Variants in RAB28 observed in about 807,000 individuals in gnomAD.
RAB28 encodes ras-related protein Rab-28.
Under a neutral mutation model 31.7 loss-of-function variants are expected in RAB28, and 24 were observed. That is an observed-to-expected ratio of 0.76 (90% CI 0.55 to 1.06). The LOEUF is 1.06. RAB28 is among the 50% of genes least tolerant of loss of function. RAB28 has a pLI of 0.00. For synonymous variants in RAB28, 100 were observed against 90.4 expected, an observed-to-expected ratio of 1.11 and a Z score of -0.60; for missense variants, 254 against 258.5, an observed-to-expected ratio of 0.98 and a Z score of 0.12.
chr4:13,436,710 C>G (rs1714132945), intron 4 of RAB28, among the ~76,000 whole-genome samples: 1 of 152,098 alleles, frequency 6.6e-6, no homozygotes. Context: ...ACAGATGACA[C>G]AAATAAATGG....
At chr4:13,418,943 A>G (rs952889644) in intron 4 of RAB28, among the ~76,000 whole-genome samples, 24 of 152,212 alleles carry the variant, frequency 1.6e-4, no homozygotes, top group African/African-American at 5.8e-4. Context: ...CCCCAATTAA[A>G]AGACACAGAC....
At chr4:13,403,757 CATGAATGAGTAAATAA>C (rs1338214482) in intron 4 of RAB28, among the ~76,000 whole-genome samples, 1 of 152,082 alleles carries the variant, frequency 6.6e-6, no homozygotes, top group African/African-American at 2.4e-5. Context: ...AAAAGGCAAT[CATGAATGAGTAAATAA>C]ATGAATGAAT....
At chr4:13,434,742 G>C (rs1713996500) in intron 4 of RAB28, among the ~76,000 whole-genome samples, 2 of 152,098 alleles carry the variant, frequency 1.3e-5, no homozygotes, top group African/African-American at 4.8e-5. Flanking sequence ...ACACAGGCCA[G>C]GTGCAGTGGC....
chr4:13,460,592 G>C, intron 4 of RAB28, 107 bp downstream of exon 4: 2 of 1,369,546 alleles, frequency 1.5e-6, no homozygotes, highest in Non-Finnish European at 2.0e-6. Context: ...CATCATTTTG[G>C]GGATTAGGTC....
Position 13,376,587 on chromosome 4 carries a change from G to A in RAB28, c.531C>T (p.Ile177=). The A allele has an allele frequency of 6.2e-7, 1 of 1,602,698 alleles. No homozygotes were observed. ...FLCFQKVAAE[I]LGIKLNKAEI... is the part of the protein sequence containing the mutation. ...CTGCTTTGTTTAATTTGATCCCAAG[G>A]ATTTCAGCAGCAACTTTCTGAAAGC... The change falls in exon 6 of 7, where the codon ATC becomes ATT. Residue 177 remains isoleucine (I), a synonymous_variant. Coordinates refer to ENST00000330852, the MANE Select transcript of RAB28 (RefSeq NM_001017979.3).
chr4:13,399,685 C>T (rs918924192), intron 4 of RAB28, among the ~76,000 whole-genome samples: 2 of 152,072 alleles, frequency 1.3e-5, no homozygotes, highest in African/African-American at 4.8e-5. Context: ...GATGAGACTC[C>T]ACTTATATTT....
intron 4 of RAB28, among the ~76,000 whole-genome samples, chr4:13,449,635 T>C (rs1022922222): frequency 6.6e-6 from 1 of 151,954 alleles, no homozygotes; most frequent in African/African-American, 2.4e-5. Context: ...TTAATTAGTG[T>C]TGATGCACTC....
chr4:13,375,479 C>T (rs1250463225), intron 6 of RAB28, among the ~76,000 whole-genome samples: 7 of 152,240 alleles, frequency 4.6e-5, no homozygotes, highest in Admixed American at 2.0e-4. Context: ...AAACAAATTA[C>T]TTGACCTCTG....
intron 4 of RAB28, among the ~76,000 whole-genome samples, chr4:13,408,333 G>A (rs1712222336): frequency 6.6e-6 from 1 of 152,136 alleles, no homozygotes; most frequent in Non-Finnish European, 1.5e-5. Flanking sequence ...TGCACATGTT[G>A]AACCACCCTT....
intron 4 of RAB28, among the ~76,000 whole-genome samples, chr4:13,415,241 T>C (rs759655510): frequency 2.0e-5 from 3 of 152,236 alleles, no homozygotes; most frequent in Non-Finnish European, 4.4e-5. Context: ...GACAGCATGC[T>C]GGCAGCCCTC....
chr4:13,380,266 G>T (rs1295133896), intron 5 of RAB28, among the ~76,000 whole-genome samples: 2 of 151,998 alleles, frequency 1.3e-5, no homozygotes. Flanking sequence ...TTTATTTTAG[G>T]TGTAAAACTA....
At chr4:13,438,342 G>T (rs961557722) in intron 4 of RAB28, among the ~76,000 whole-genome samples, 17 of 152,022 alleles carry the variant, frequency 1.1e-4, no homozygotes, top group African/African-American at 2.7e-4. Flanking sequence ...TATTCACTAG[G>T]TTGTGCAACC....
At chr4:13,386,603 G>A (rs1336967993) in intron 4 of RAB28, among the ~76,000 whole-genome samples, 1 of 152,004 alleles carries the variant, frequency 6.6e-6, no homozygotes, top group Non-Finnish European at 1.5e-5. Flanking sequence ...AATAACAGGT[G>A]CTGGCAAGAT....
At chr4:13,461,467 C>G (rs1252127670) in intron 3 of RAB28, among the ~76,000 whole-genome samples, 1 of 152,094 alleles carries the variant, frequency 6.6e-6, no homozygotes, top group Admixed American at 6.5e-5. Context: ...CTTAAACTTG[C>G]CTCGAAGGGC....
At position 13,447,162 on chromosome 4, in the gene RAB28, C is replaced by T. The variant is rs540137690; in HGVS notation, c.391+13537G>A. Among the ~76,000 whole-genome samples the T allele has an allele frequency of 2.0e-5, 3 of 152,298 alleles. No individual in the cohort carries two copies. The South Asian group carries it at 6.2e-4, about 32-fold the overall frequency. On this transcript the variant is annotated intron_variant, in intron 4 of 6. Transcript: ENST00000330852. ...TTTATCACCTAGATTACATCGAAAG[C>T]CTCCTATCTGGTCTCCCTGCTTCTA... is the stretch of plus-strand genomic sequence containing the variant.
At chr4:13,421,699 T>C (rs868486765) in intron 4 of RAB28, among the ~76,000 whole-genome samples, 2 of 152,238 alleles carry the variant, frequency 1.3e-5, no homozygotes, top group African/African-American at 4.8e-5. Flanking sequence ...GTTAGCCATA[T>C]GTAGAAAGCT....
chr4:13,434,340 C>T (rs1713975820), intron 4 of RAB28, among the ~76,000 whole-genome samples: 1 of 152,164 alleles, frequency 6.6e-6, no homozygotes, highest in South Asian at 2.1e-4. Flanking sequence ...AACAAAAGGG[C>T]ATTACATCAT....
chr4:13,476,055 T>C (rs1219289629), intron 2 of RAB28, among the ~76,000 whole-genome samples: 1 of 151,560 alleles, frequency 6.6e-6, no homozygotes, highest in Non-Finnish European at 1.5e-5. Context: ...CAATACTTAG[T>C]AAGTGCTAAA....
chr4:13,390,831 C>T (rs1729594786), intron 4 of RAB28, among the ~76,000 whole-genome samples: 3 of 152,220 alleles, frequency 2.0e-5, no homozygotes, highest in South Asian at 4.1e-4. Flanking sequence ...ATAAATGGTG[C>T]TGGGAAAACT....
Sources: allele counts gnomAD v4.1 joint callset (sites outside exome capture counted in the v4.1 genomes callset), GRCh38; gene constraint gnomAD v4.1.1; transcripts MANE v1.5; gene names NCBI Gene and HGNC (gene_info 2026-07-23, HGNC 2026-07-21).